The following KLRK1 variants were observed in gnomAD, a reference collection of about 807,000 sequenced individuals.
KLRK1 encodes killer cell lectin like receptor K1, also known as NKG2-D type II integral membrane protein.
A neutral mutation model predicts 31.3 loss-of-function variants in KLRK1; 40 were observed. The observed-to-expected ratio is 1.28, with a 90% CI of 0.99 to 1.67. The LOEUF is 1.67. KLRK1 is among the 40% of genes most tolerant of loss of function. The pLI, the probability that KLRK1 is intolerant of heterozygous loss-of-function variation, is 0.00. For missense variants in KLRK1, 251 were observed against 260.0 expected (o/e 0.97, Z 0.24); for synonymous variants, 77 against 77.3 (o/e 1.00, Z 0.02).
chr12:10,381,514 T>C (rs769961567), intron 3 of KLRK1, among the ~76,000 whole-genome samples: 1 of 152,006 alleles, frequency 6.6e-6, no homozygotes, highest in Non-Finnish European at 1.5e-5. Flanking sequence ...GAATCAAACA[T>C]TATGGCTACA....
At position 10,372,839 on chromosome 12, in the gene KLRK1, C is replaced by G. The variant is rs1862886551; in HGVS notation, c.*275G>C. The G allele has an allele frequency of 2.8e-6, 1 of 358,812 alleles. No homozygotes were observed. Among genetic ancestry groups the G allele is most frequent in the Non-Finnish European group, 5.0e-6 (1 of 199,826 alleles). The allele number at this position is 358,812 out of a possible 1,614,324, so 22.2% of individuals were successfully genotyped here. ...CTACCTTTAGAAATTAAAACAGCAC[C>G]CCTCCCCCAGCCCATCCACTCTGGG... On this transcript the variant is annotated 3_prime_UTR_variant, in exon 8 of 8. Coordinates refer to ENST00000240618, the MANE Select transcript of KLRK1 (RefSeq NM_007360.4).
chr12:10,379,527 C>G, intron 4 of KLRK1, 45 bp from the exon 5 acceptor site: 1 of 1,359,066 alleles, frequency 7.4e-7, no homozygotes, highest in Non-Finnish European at 1.0e-6. Context: ...TTGTTAGTAA[C>G]TTATAGTATA....
rs750860201 is a variant in KLRK1 at position 10,373,074 on chromosome 12, C to G, written c.*40G>C. The G allele has an allele frequency of 3.2e-6, 5 of 1,577,544 alleles. No homozygotes were observed. In the South Asian group the frequency reaches 3.4e-5, roughly 11 times the overall value. ...GGCAGTGTTACCGCTGGTGTAATCT[C>G]TTCTCTGTTCCTGGCTTTTATTGAG... On this transcript the variant is annotated 3_prime_UTR_variant, in exon 8 of 8. Transcript: ENST00000240618.
chr12:10,378,168 C>G lies in KLRK1; in HGVS notation c.497G>C (p.Trp166Ser). 1 of 1,614,120 alleles carries G rather than the reference C, an allele frequency of 6.2e-7. No individual in the cohort carries two copies. The highest frequency in any genetic ancestry group is 1.3e-5 in the African/African-American group (1 of 75,052). Residue 166 changes from tryptophan (W) to serine (S), a missense_variant, in exon 7 of 8, where the codon TGG becomes TCG. By Grantham distance (177) the Trp-to-Ser change is radical (BLOSUM62 -3). Transcript: ENST00000240618. ...GLVHIPTNGSWQWEDGSILSP... is the reference protein window; with the variant it reads ...GLVHIPTNGSSQWEDGSILSP... ...GAGAATGGAGCCATCTTCCCACTGC[C>G]AAGATCCATTTGTTGGAATGTGTAC...
At chr12:10,388,730 G>A (rs763797902) in intron 2 of KLRK1, 41 bp downstream of exon 2, 5 of 1,612,542 alleles carry the variant, frequency 3.1e-6, no homozygotes, top group African/African-American at 1.3e-5. Context: ...TCTTAAAATT[G>A]TATAAAAACA....
rs1555120371 is a variant in KLRK1, at chr12:10,385,367, G to GACACAGACAC, written c.148+1535_148+1536insGTGTCTGTGT. Among the ~76,000 whole-genome samples, 4 of 145,822 alleles carry GACACAGACAC rather than the reference G, an allele frequency of 2.7e-5. No homozygotes were observed. In the East Asian group the frequency reaches 6.0e-4, roughly 22 times the overall value. The stretch of plus-strand genomic sequence containing the variant: ...ACAGATAAATAGCTAAGCACACACA[G>GACACAGACAC]ACACACACACACACACACACACACA... On this transcript the variant is annotated intron_variant, in intron 3 of 7. Transcript: ENST00000240618.
chr12:10,379,358 C>T (rs752648392), intron 5 of KLRK1, 89 bp downstream of exon 5: 149 of 757,210 alleles, frequency 2.0e-4, no homozygotes, highest in Middle Eastern at 6.4e-4. Flanking sequence ...ATTACTTTTT[C>T]CTTTTTTAAT....
chr12:10,380,773 C>A (rs1417333450), intron 3 of KLRK1, among the ~76,000 whole-genome samples: 1 of 152,176 alleles, frequency 6.6e-6, no homozygotes, highest in Admixed American at 6.5e-5. Flanking sequence ...CTGACATCCA[C>A]ATAACTGCAT....
chr12:10,377,957 G>A (rs560843212), intron 7 of KLRK1, among the ~76,000 whole-genome samples, 175 bp downstream of exon 7: 1 of 152,188 alleles, frequency 6.6e-6, no homozygotes, highest in Non-Finnish European at 1.5e-5. Flanking sequence ...TATTTGTGTT[G>A]GCTGCTCTAC....
At chr12:10,389,308 G>A (rs911385380) in intron 1 of KLRK1, among the ~76,000 whole-genome samples, 13 of 151,748 alleles carry the variant, frequency 8.6e-5, no homozygotes, top group African/African-American at 3.1e-4. Context: ...ATGCACTTTT[G>A]TTGAATGTCC....
chr12:10,374,724 TTC>T (rs777641332), intron 7 of KLRK1, among the ~76,000 whole-genome samples: 42 of 152,120 alleles, frequency 2.8e-4, no homozygotes, highest in Non-Finnish European at 5.1e-4. Context: ...TTCGATTTCT[TTC>T]TCTGTTTTTT....
intron 5 of KLRK1, 58 bp from the exon 6 acceptor site, chr12:10,378,763 G>T: frequency 6.6e-7 from 1 of 1,514,722 alleles, no homozygotes; most frequent in Non-Finnish European, 8.8e-7. Flanking sequence ...AGCAGATTTT[G>T]TCTAGACAAA....
intron 6 of KLRK1, 137 bp downstream of exon 6, chr12:10,378,417 C>T: frequency 7.0e-7 from 1 of 1,435,728 alleles, no homozygotes; most frequent in Non-Finnish European, 9.4e-7. Flanking sequence ...TTGTTATTTT[C>T]AATGAAGAAA....
At chr12:10,373,717 CAT>C (rs1862905788) in intron 7 of KLRK1, among the ~76,000 whole-genome samples, 1 of 141,546 alleles carries the variant, frequency 7.1e-6, no homozygotes, top group African/African-American at 2.9e-5. Flanking sequence ...TGTGTGTGTG[CAT>C]ATGTTTAGGC....
In KLRK1 at chr12:10,379,701, G is replaced by A; in HGVS notation, c.240C>T (p.Asn80=). 6.2e-7 allele frequency: 1 copy of A among 1,603,944 alleles called. No individual in the cohort carries two copies. The highest frequency in any genetic ancestry group is 1.1e-5 in the South Asian group (1 of 87,918). Residue 80 remains asparagine, a splice_region_variant and synonymous_variant, in exon 4 of 8, where the codon AAC becomes AAT. Coordinates refer to ENST00000240618, the MANE Select transcript of KLRK1 (RefSeq NM_007360.4). ...MVTIWSAVFL[N]SLFNQEVQIP... is the part of the protein sequence containing the mutation. ...ATCTACTTCTCTGTTGTCACTTACA[G>A]TTTAGGAATACAGCACTCCATATTG...
intron 6 of KLRK1, 126 bp downstream of exon 6, chr12:10,378,428 G>C: frequency 1.4e-6 from 2 of 1,463,624 alleles, no homozygotes; most frequent in Non-Finnish European, 1.8e-6. Flanking sequence ...AATGAAGAAA[G>C]ATTTAGGGTT....
rs914779788 is a variant in KLRK1 at position 10,385,393 on chromosome 12, CACAG to C, written c.148+1506_148+1509del. On this transcript the variant is annotated intron_variant, in intron 3 of 7. Coordinates refer to ENST00000240618, the MANE Select transcript of KLRK1 (RefSeq NM_007360.4). ...ACACACACACACACACACACACACA[CACAG>C]AGGAATACCATTCAGTCATAAAAAA... Among the ~76,000 whole-genome samples, 4 of 149,194 alleles carry C rather than the reference CACAG, an allele frequency of 2.7e-5. No individual in the cohort carries two copies. The East Asian group carries it at 5.9e-4, about 22-fold the overall frequency.
chr12:10,386,425 G>C (rs142675117), intron 3 of KLRK1, among the ~76,000 whole-genome samples: 3,289 of 151,980 alleles, frequency 0.022, 50 homozygotes, highest in Non-Finnish European at 0.036. Context: ...GTCATCTGTT[G>C]TTTTCCTTTT....
chr12:10,376,942 G>A (rs554222054), intron 7 of KLRK1, among the ~76,000 whole-genome samples: 7 of 152,018 alleles, frequency 4.6e-5, no homozygotes, highest in East Asian at 1.9e-4. Flanking sequence ...TCAGCCTCCC[G>A]AGTAGCTGGG....
Sources: gnomAD v4.1 joint callset for allele counts (sites outside exome capture counted in the v4.1 genomes callset) on GRCh38, gnomAD v4.1.1 for gene constraint, MANE v1.5 for transcripts, NCBI Gene and HGNC (gene_info 2026-07-23, HGNC 2026-07-21) for gene names.